LENG9: variants seen among roughly 807,000 people sequenced by gnomAD.
LENG9 encodes leukocyte receptor cluster member 9, also known as leukocyte receptor cluster (LRC) member 9.
For synonymous variants in LENG9, 410 were observed against 303.9 expected, an observed-to-expected ratio of 1.35 and a Z score of -3.63; for missense variants, 872 against 652.7, an observed-to-expected ratio of 1.34 and a Z score of -3.66.
In LENG9 at chr19:54,462,275, G is replaced by A; in HGVS notation, c.1252C>T (p.Pro418Ser). The A allele has an allele frequency of 1.2e-6, 2 of 1,607,988 alleles. No homozygotes were observed. ...GTGAGGTGGGGGTGCAGCTGCCCTGGAGACTGTAGTGTACTCAGCCCCTCG... is the reference window on the plus strand; with the variant it reads ...GTGAGGTGGGGGTGCAGCTGCCCTGAAGACTGTAGTGTACTCAGCCCCTCG... The part of the protein sequence containing the change: ...EAEGLSTLQS[P>S]GQLHPHLTVA... Residue 418 changes from proline (P) to serine (S), a missense_variant, in exon 1 of 1, where the codon CCA becomes TCA. Physicochemically the swap from Pro to Ser is moderately conservative, Grantham distance 74. Transcript: ENST00000611161.
chr19:54,463,533 G>A lies in LENG9; in HGVS notation c.-7C>T. The A allele has an allele frequency of 7.2e-7, 1 of 1,388,054 alleles. No individual in the cohort carries two copies. The highest frequency in any genetic ancestry group is 9.4e-7 in the Non-Finnish European group (1 of 1,067,104). 86.0% of individuals were successfully genotyped at this position (1,388,054 alleles called of 1,614,324 possible). A position where few individuals can be genotyped will look rare whatever the true frequency, so the allele number is the denominator to read the frequency against. ...GCTCTCTGGCCGCTGCCATGGGTGC[G>A]GGGAACTGGCACGCCCGCCGCGCAG... On this transcript the variant is annotated 5_prime_UTR_variant, in exon 1 of 1. Coordinates refer to ENST00000611161, the MANE Select transcript of LENG9 (RefSeq NM_001301782.2).
Position 54,463,717 on chromosome 19 carries a change from C to G in LENG9, c.-191G>C. ...CCCTCCTTGGTGGAGAGCCTGACAC[C>G]GCTGCTCTGGGACTTCCCGGCTGCG... On this transcript the variant is annotated 5_prime_UTR_variant, in exon 1 of 1. Transcript: ENST00000611161. The G allele has an allele frequency of 1.3e-6, 1 of 741,962 alleles. No homozygotes were observed. The highest frequency in any genetic ancestry group is 3.6e-5 in the East Asian group (1 of 27,674). 46.0% of individuals were successfully genotyped at this position (741,962 alleles called of 1,614,324 possible).
In LENG9 at chr19:54,463,063, C is replaced by T. The variant is rs2084647853; in HGVS notation, c.464G>A (p.Gly155Glu). 1 of 1,601,394 alleles carries T rather than the reference C, an allele frequency of 6.2e-7. No homozygotes were observed. The change falls in exon 1 of 1, where the codon GGG becomes GAG. Residue 155 changes from glycine (G) to glutamate (E), a missense_variant. Physicochemically the swap from Gly to Glu is moderately conservative, Grantham distance 98. Coordinates refer to ENST00000611161, the MANE Select transcript of LENG9 (RefSeq NM_001301782.2). Reference sequence around the variant, plus strand: ...GTTCGGTGCGTCCAGGATGGTGGGCCCGCGTCCCGCCGCCGAGCCAGAGCC... The same window carrying T: ...GTTCGGTGCGTCCAGGATGGTGGGCTCGCGTCCCGCCGCCGAGCCAGAGCC... ...VFGSGSAAGR[G>E]PTILDAPNTE...
At position 54,462,753 on chromosome 19, in the gene LENG9, C is replaced by CTG. The variant is rs759265248; in HGVS notation, c.772_773dup (p.Gln258HisfsTer49). On this transcript the variant is annotated frameshift_variant, in exon 1 of 1. Transcript: ENST00000611161. LOFTEE classifies it low-confidence loss of function (END_TRUNC). ...CGGAGCCCCCCGGGACTCCCAGGGC[C>CTG]TGTGCTTCCTTGCCCCCCAGCAATG... 2 of 1,611,330 alleles carry CTG rather than the reference C, an allele frequency of 1.2e-6. No homozygotes were observed. Among genetic ancestry groups the CTG allele is most frequent in the African/African-American group, 2.7e-5 (2 of 74,928 alleles).
chr19:54,462,407 G>T lies in LENG9; in HGVS notation c.1120C>A (p.Arg374=). The T allele has an allele frequency of 6.2e-7, 1 of 1,613,388 alleles. No individual in the cohort carries two copies. The highest frequency in any genetic ancestry group is 8.5e-7 in the Non-Finnish European group (1 of 1,179,798). Residue 374 remains arginine (R), a synonymous_variant, in exon 1 of 1, where the codon CGG becomes AGG. Transcript: ENST00000611161. The part of the protein sequence containing the change: ...LLAPGLNAPP[R]LSFRKLVLLG... ...AGGACCAGCTTTCTAAAGCTCAGCC[G>T]AGGGGGTGCATTTAGCCCCGGGGCC...
Position 54,463,273 on chromosome 19 carries a change from A to T in LENG9, c.254T>A (p.Phe85Tyr). The T allele has an allele frequency of 1.3e-6, 2 of 1,542,032 alleles. No individual in the cohort carries two copies. The highest frequency in any genetic ancestry group is 1.7e-6 in the Non-Finnish European group (2 of 1,150,096). The change falls in exon 1 of 1, where the codon TTC becomes TAC. Residue 85 changes from phenylalanine (F) to tyrosine (Y), a missense_variant. Coordinates refer to ENST00000611161, the MANE Select transcript of LENG9 (RefSeq NM_001301782.2). ...AAAGCGGTCGACGTAGCCCACCGAG[A>T]AGTCGGCGGGGTCGAGGCGCGGGTC... ...RWDPRLDPAD[F>Y]SVGYVDRFLG...
In LENG9 at chr19:54,461,906, CT is replaced by C; in HGVS notation, c.*183del. 3.5e-6 allele frequency: 3 copies of C among 847,854 alleles called. No homozygotes were observed. The Admixed American group carries it at 5.3e-5, about 15-fold the overall frequency. The allele number at this position is 847,854 out of a possible 1,614,324, so 52.5% of individuals were successfully genotyped here. On this transcript the variant is annotated 3_prime_UTR_variant, in exon 1 of 1. Transcript: ENST00000611161. The stretch of plus-strand genomic sequence containing the variant: ...TTTTTTCCAGATGTTCCTCCTCTGC[CT>C]CCCCTTCCCCTCCTCTCCCCTCCTT...
At position 54,462,277 on chromosome 19, in the gene LENG9, G is replaced by C; in HGVS notation, c.1250C>G (p.Ser417Cys). ...LEAEGLSTLQ[S>C]PGQLHPHLTV... ...GAGGTGGGGGTGCAGCTGCCCTGGAGACTGTAGTGTACTCAGCCCCTCGGC... is the reference window on the plus strand; with the variant it reads ...GAGGTGGGGGTGCAGCTGCCCTGGACACTGTAGTGTACTCAGCCCCTCGGC... The change falls in exon 1 of 1, where the codon TCT becomes TGT. Residue 417 changes from serine to cysteine, a missense_variant. Ser to Cys is a moderately radical substitution (Grantham distance 112, BLOSUM62 -1). Coordinates refer to ENST00000611161, the MANE Select transcript of LENG9 (RefSeq NM_001301782.2). 6.2e-7 allele frequency: 1 copy of C among 1,608,070 alleles called. No individual in the cohort carries two copies. The highest frequency in any genetic ancestry group is 8.5e-7 in the Non-Finnish European group (1 of 1,176,494).
Position 54,462,255 on chromosome 19 carries a change from G to T in LENG9, c.1272C>A (p.His424Gln), listed in dbSNP as rs2084606539. The change falls in exon 1 of 1, where the codon CAC becomes CAA. Residue 424 changes from histidine to glutamine, a missense_variant. Physicochemically the swap from His to Gln is conservative, Grantham distance 24. Coordinates refer to ENST00000611161, the MANE Select transcript of LENG9 (RefSeq NM_001301782.2). ...TLQSPGQLHP[H>Q]LTVAKVPHGS... ...CATGGGGCACCTTGGCCACGGTGAG[G>T]TGGGGGTGCAGCTGCCCTGGAGACT... 3 of 1,611,728 alleles carry T rather than the reference G, an allele frequency of 1.9e-6. No homozygotes were observed. The highest frequency in any genetic ancestry group is 1.7e-6 in the Non-Finnish European group (2 of 1,178,636).
Position 54,462,133 on chromosome 19 carries a change from G to C in LENG9, c.1394C>G (p.Thr465Arg). Residue 465 changes from threonine to arginine, a missense_variant, in exon 1 of 1, where the codon ACA becomes AGA. Thr to Arg is a moderately conservative substitution (Grantham distance 71). Coordinates refer to ENST00000611161, the MANE Select transcript of LENG9 (RefSeq NM_001301782.2). ...QTLWLCRIGR[T>R]GGPFQPLAEI... ...AGCCAGGGGCTGGAAAGGCCCCCCT[G>C]TCCTCCCTATACGGCACAGCCAGAG... is the stretch of plus-strand genomic sequence containing the variant. 1 of 1,589,108 alleles carries C rather than the reference G, an allele frequency of 6.3e-7. No homozygotes were observed. Among genetic ancestry groups the C allele is most frequent in the Non-Finnish European group, 8.6e-7 (1 of 1,165,936 alleles).
Position 54,463,211 on chromosome 19 carries a change from A to C in LENG9, c.316T>G (p.Trp106Gly). ...VREEPFSAFC[W>G]DQPLAALGPG... is the part of the protein sequence containing the mutation. ...CCGAGCGCCGCCAGCGGCTGGTCCC[A>C]GCAAAAGGCGCTGAAGGGCTCCTCG... Residue 106 changes from tryptophan to glycine, a missense_variant, in exon 1 of 1, where the codon TGG becomes GGG. Transcript: ENST00000611161. 1.3e-6 allele frequency: 2 copies of C among 1,555,104 alleles called. No homozygotes were observed. The highest frequency in any genetic ancestry group is 1.7e-6 in the Non-Finnish European group (2 of 1,156,954).
In LENG9 at chr19:54,462,105, C is replaced by T; in HGVS notation, c.1422G>A (p.Glu474=). Residue 474 remains glutamate (E), a synonymous_variant, in exon 1 of 1, where the codon GAG becomes GAA. Transcript: ENST00000611161. ...RTGGPFQPLA[E]IPLE is the part of the protein sequence containing the mutation. The stretch of plus-strand genomic sequence containing the variant: ...TCTGGGGGTGTCACTCCAGGGGGAT[C>T]TCAGCCAGGGGCTGGAAAGGCCCCC... The T allele has an allele frequency of 6.4e-7, 1 of 1,565,952 alleles. No homozygotes were observed.
Position 54,462,779 on chromosome 19 carries a change from T to G in LENG9, c.748A>C (p.Thr250Pro). 3 of 1,608,972 alleles carry G rather than the reference T, an allele frequency of 1.9e-6. No individual in the cohort carries two copies. Among genetic ancestry groups the G allele is most frequent in the Non-Finnish European group, 2.5e-6 (3 of 1,179,328 alleles). Reference protein sequence around the residue: ...ALKPTAATRTTLLGGKEAQAL... With the variant: ...ALKPTAATRTPLLGGKEAQAL... ...TGTGCTTCCTTGCCCCCCAGCAATG[T>G]GGTCCTGGTGGCTGCTGTTGGCTTC... Residue 250 changes from threonine (T) to proline (P), a missense_variant, in exon 1 of 1, where the codon ACA becomes CCA. Coordinates refer to ENST00000611161, the MANE Select transcript of LENG9 (RefSeq NM_001301782.2).
Position 54,462,337 on chromosome 19 carries a change from T to C in LENG9, c.1190A>G (p.Glu397Gly). 6.2e-7 allele frequency: 1 copy of C among 1,608,476 alleles called. No homozygotes were observed. The highest frequency in any genetic ancestry group is 8.5e-7 in the Non-Finnish European group (1 of 1,176,310). ...CTGGCTCAGCACTTGTGCCATGCTTTCCAGTGTGGGAGAGGGTGGGGCACA... is the reference window on the plus strand; with the variant it reads ...CTGGCTCAGCACTTGTGCCATGCTTCCCAGTGTGGGAGAGGGTGGGGCACA... ...VLCAPPSPTL[E>G]SMAQVLSQRL... is the part of the protein sequence containing the mutation. Residue 397 changes from glutamate to glycine, a missense_variant, in exon 1 of 1, where the codon GAA (glutamate) becomes GGA (glycine). By Grantham distance (98) the Glu-to-Gly change is moderately conservative. Coordinates refer to ENST00000611161, the MANE Select transcript of LENG9 (RefSeq NM_001301782.2).
At position 54,463,023 on chromosome 19, in the gene LENG9, G is replaced by T; in HGVS notation, c.504C>A (p.His168Gln). The T allele has an allele frequency of 6.2e-7, 1 of 1,604,076 alleles. No individual in the cohort carries two copies. The highest frequency in any genetic ancestry group is 1.1e-5 in the South Asian group (1 of 91,012). ...GTGTCCACTCGGCACCCTCTGCCCC[G>T]TGGGCGCCCTCGGTGTTCGGTGCGT... ...ILDAPNTEGA[H>Q]GAEGAEWTLA... Residue 168 changes from histidine to glutamine, a missense_variant, in exon 1 of 1, where the codon CAC becomes CAA. His to Gln is a conservative substitution (Grantham distance 24). Coordinates refer to ENST00000611161, the MANE Select transcript of LENG9 (RefSeq NM_001301782.2).
Position 54,462,594 on chromosome 19 carries a change from T to C in LENG9, c.933A>G (p.Gln311=). 5.0e-6 allele frequency: 8 copies of C among 1,613,820 alleles called. No individual in the cohort carries two copies. The highest frequency in any genetic ancestry group is 1.1e-5 in the South Asian group (1 of 91,042). The change falls in exon 1 of 1, where the codon CAA becomes CAG. Residue 311 remains glutamine, a synonymous_variant. Transcript: ENST00000611161. ...VALMVTEPGL[Q]AEVTKAQEYL... is the part of the protein sequence containing the mutation. ...ATTCCTGGGCCTTGGTCACTTCTGC[T>C]TGTAGCCCAGGCTCGGTCACCATGA...
Position 54,462,561 on chromosome 19 carries a change from G to C in LENG9, c.966C>G (p.Val322=), listed in dbSNP as rs1363794755. ...AEVTKAQEYL[V]HVAPHCANFL... is the part of the protein sequence containing the mutation. ...AGTTGGCGCAGTGTGGGGCCACGTGGACCAGGTATTCCTGGGCCTTGGTCA... is the reference window on the plus strand; with the variant it reads ...AGTTGGCGCAGTGTGGGGCCACGTGCACCAGGTATTCCTGGGCCTTGGTCA... Residue 322 remains valine, a synonymous_variant, in exon 1 of 1, where the codon GTC becomes GTG. Coordinates refer to ENST00000611161, the MANE Select transcript of LENG9 (RefSeq NM_001301782.2). The C allele has an allele frequency of 1.2e-6, 2 of 1,613,750 alleles. No homozygotes were observed. Among genetic ancestry groups the C allele is most frequent in the Admixed American group, 3.3e-5 (2 of 60,036 alleles).
Position 54,462,329 on chromosome 19 carries a change from C to T in LENG9, c.1198G>A (p.Ala400Thr). 4 of 1,606,366 alleles carry T rather than the reference C, an allele frequency of 2.5e-6. No individual in the cohort carries two copies. Among genetic ancestry groups the T allele is most frequent in the Non-Finnish European group, 3.4e-6 (4 of 1,175,152 alleles). The change falls in exon 1 of 1, where the codon GCA becomes ACA. Residue 400 changes from alanine to threonine, a missense_variant. Ala to Thr is a moderately conservative substitution (Grantham distance 58). Coordinates refer to ENST00000611161, the MANE Select transcript of LENG9 (RefSeq NM_001301782.2). The part of the protein sequence containing the change: ...APPSPTLESM[A>T]QVLSQRLEAE... ...TCCAGCCTCTGGCTCAGCACTTGTGCCATGCTTTCCAGTGTGGGAGAGGGT... is the reference window on the plus strand; with the variant it reads ...TCCAGCCTCTGGCTCAGCACTTGTGTCATGCTTTCCAGTGTGGGAGAGGGT...
In LENG9 at chr19:54,463,597, G is replaced by A. The variant is rs1348451837; in HGVS notation, c.-71C>T. ...GCACGGAGGGCGGCTCCCCTTGGAT[G>A]CACCGAGCCTCACCCGACAGTGGCG... On this transcript the variant is annotated 5_prime_UTR_variant, in exon 1 of 1. Transcript: ENST00000611161. 1.5e-6 allele frequency: 2 copies of A among 1,308,162 alleles called. No homozygotes were observed. Among genetic ancestry groups the A allele is most frequent in the Non-Finnish European group, 2.0e-6 (2 of 1,025,052 alleles). The allele number at this position is 1,308,162 out of a possible 1,614,324, so 81.0% of individuals were successfully genotyped here.
Sources: gnomAD v4.1 joint callset for allele counts on GRCh38, gnomAD v4.1.1 for gene constraint, MANE v1.5 for transcripts, NCBI Gene and HGNC (gene_info 2026-07-23, HGNC 2026-07-21) for gene names.